MBNL2: variants seen among roughly 807,000 people sequenced by gnomAD.
MBNL2 encodes the protein muscleblind-like protein 2.
MBNL2 carries 17 observed loss-of-function variants against 41.9 expected under a neutral mutation model. The ratio of observed to expected loss-of-function variants is 0.41; its 90% confidence interval spans 0.28 to 0.61. The LOEUF is 0.61. Ranked by LOEUF, MBNL2 falls within the 20% of genes least tolerant of loss-of-function variation. The probability of loss-of-function intolerance (pLI) is 0.35; values close to 1 mark genes in which losing one functional copy is unlikely to be tolerated. For synonymous variants in MBNL2, 195 were observed against 182.9 expected (o/e 1.07, Z -0.53); for missense variants, 336 against 505.6 (o/e 0.66, Z 3.22).
intron 8 of MBNL2, among the ~76,000 whole-genome samples, chr13:97,387,539 C>T (rs1005457562): frequency 6.6e-6 from 1 of 152,190 alleles, no homozygotes; most frequent in Non-Finnish European, 1.5e-5. Context: ...CCCAAGCTCA[C>T]AGGGGTTCTT....
At chr13:97,389,745 A>AT (rs1283384875) in intron 8 of MBNL2, among the ~76,000 whole-genome samples, 5 of 151,722 alleles carry the variant, frequency 3.3e-5, no homozygotes, top group African/African-American at 7.3e-5. Context: ...AGAAACTGCA[A>AT]TTTTTTTTCC....
At position 97,346,950 on chromosome 13, in the gene MBNL2, G is replaced by A. The variant is rs201412662; in HGVS notation, c.687G>A (p.Glu229=). 178 of 1,613,948 alleles carry A rather than the reference G, an allele frequency of 1.1e-4. No homozygotes were observed. The highest frequency in any genetic ancestry group is 1.3e-4 in the Non-Finnish European group (158 of 1,179,914). ...MDYIKGRCMR[E]KCKYFHPPAH... The stretch of plus-strand genomic sequence containing the variant: ...ACATAAAGGGGCGTTGCATGAGGGA[G>A]AAATGCAAATATTTTCACCCTCCTG... The change falls in exon 5 of 9, where the codon GAG becomes GAA. Residue 229 remains glutamate, a synonymous_variant. Coordinates refer to ENST00000679496, the MANE Select transcript of MBNL2 (RefSeq NM_001382683.1). The surrounding 1 kb of genome is among the most constrained non-coding windows in gnomAD (Gnocchi z 4.2).
intron 1 of MBNL2, among the ~76,000 whole-genome samples, chr13:97,235,767 C>T (rs1182524919): frequency 6.6e-6 from 1 of 152,060 alleles, no homozygotes; most frequent in African/African-American, 2.4e-5. Flanking sequence ...GAGCTGCAGA[C>T]GCTAGAGGGG....
In MBNL2 at chr13:97,378,364, T is replaced by G. The variant is rs543418246; in HGVS notation, c.1049-12958T>G. Among the ~76,000 whole-genome samples, 4 of 152,320 alleles carry G rather than the reference T, an allele frequency of 2.6e-5. No individual in the cohort carries two copies. The East Asian group carries it at 7.7e-4, about 29-fold the overall frequency. On this transcript the variant is annotated intron_variant, in intron 8 of 8. Coordinates refer to ENST00000679496, the MANE Select transcript of MBNL2 (RefSeq NM_001382683.1). ...GTTTACTAACTTATGTATGGTAACATATCTGTTAAGCCTAGAAGCCGGGTT... is the reference window on the plus strand; with the variant it reads ...GTTTACTAACTTATGTATGGTAACAGATCTGTTAAGCCTAGAAGCCGGGTT...
At chr13:97,175,310 C>T in the MBNL2 span, among the ~76,000 whole-genome samples, 1 of 152,174 alleles carries the variant, frequency 6.6e-6, no homozygotes, top group Admixed American at 6.5e-5. Context: ...CCCGTTTATC[C>T]TTCATAGGTG....
intron 8 of MBNL2, among the ~76,000 whole-genome samples, chr13:97,391,098 T>G (rs1440050168): frequency 6.6e-6 from 1 of 152,206 alleles, no homozygotes; most frequent in Non-Finnish European, 1.5e-5. Flanking sequence ...GTACTGTGCA[T>G]TTGAATCATC....
intron 2 of MBNL2, among the ~76,000 whole-genome samples, chr13:97,288,300 A>G (rs1262723029): frequency 6.6e-6 from 1 of 152,108 alleles, no homozygotes; most frequent in Non-Finnish European, 1.5e-5. Flanking sequence ...AGTCATACAC[A>G]CTGGAAGAGT....
At chr13:97,318,452 A>G (rs2059236340) in intron 2 of MBNL2, among the ~76,000 whole-genome samples, 1 of 152,110 alleles carries the variant, frequency 6.6e-6, no homozygotes, top group Non-Finnish European at 1.5e-5. Flanking sequence ...TCCCCCTCTC[A>G]AATGTTTGTC....
chr13:97,317,808 A>G (rs1463292119), intron 2 of MBNL2, among the ~76,000 whole-genome samples: 1 of 152,238 alleles, frequency 6.6e-6, no homozygotes, highest in Admixed American at 6.5e-5. Flanking sequence ...TGAAAACTGT[A>G]TGATTTATGA....
chr13:97,383,923 G>C (rs1281585112), intron 8 of MBNL2, among the ~76,000 whole-genome samples: 1 of 150,050 alleles, frequency 6.7e-6, no homozygotes, highest in Non-Finnish European at 1.5e-5. Context: ...TTTTTGAGCG[G>C]GAGTCTCGTC....
At chr13:97,146,498 A>G in the MBNL2 span, among the ~76,000 whole-genome samples, 1 of 152,146 alleles carries the variant, frequency 6.6e-6, no homozygotes, top group Non-Finnish European at 1.5e-5. Context: ...TTGGCCAGGG[A>G]TCTCACTTGA....
At chr13:97,220,416 G>C (rs560270963), upstream of MBNL2, among the ~76,000 whole-genome samples, 1 of 152,112 alleles carries the variant, frequency 6.6e-6, no homozygotes, top group African/African-American at 2.4e-5. Context: ...ACAGAATAAA[G>C]GGAAAGGTAA....
rs191897452 is a variant in MBNL2 at position 97,305,876 on chromosome 13, C to T, written c.175-28400C>T. 4.7e-3 allele frequency among the ~76,000 whole-genome samples: 712 copies of T among 152,136 alleles called. 8 individuals are homozygous for T. The highest frequency in any genetic ancestry group is 0.041 in the Middle Eastern group (12 of 294). Reference sequence around the variant, plus strand: ...GTTCAAGATATTTGACAGAGAGCTACCCAAGCAATAATTATTTCTAAGAGG... The same window carrying T: ...GTTCAAGATATTTGACAGAGAGCTATCCAAGCAATAATTATTTCTAAGAGG... On this transcript the variant is annotated intron_variant, in intron 2 of 8. Coordinates refer to ENST00000679496, the MANE Select transcript of MBNL2 (RefSeq NM_001382683.1).
intron 8 of MBNL2, among the ~76,000 whole-genome samples, chr13:97,381,873 G>A (rs770808208): frequency 4.8e-4 from 73 of 151,790 alleles, no homozygotes; most frequent in Admixed American, 2.4e-3. Flanking sequence ...CATATTGTCT[G>A]CATATTACAT....
rs2060656742 is a variant in MBNL2, at chr13:97,334,010, GA to G, written c.175-265del. On this transcript the variant is annotated intron_variant, in intron 2 of 8. Coordinates refer to ENST00000679496, the MANE Select transcript of MBNL2 (RefSeq NM_001382683.1). The surrounding 1 kb of genome is among the most constrained non-coding windows in gnomAD (Gnocchi z 5.3). ...AGGGAAAGAAAGAGAAAGAGAGAAAGAGAGAGAGGGAGGGAGGGAGGGAAAA... is the reference window on the plus strand; with the variant it reads ...AGGGAAAGAAAGAGAAAGAGAGAAAGGAGAGAGGGAGGGAGGGAGGGAAAA... Among the ~76,000 whole-genome samples, 2 of 71,948 alleles carry G rather than the reference GA, an allele frequency of 2.8e-5. No individual in the cohort carries two copies. Among genetic ancestry groups the G allele is most frequent in the Admixed American group, 1.4e-4 (1 of 7,192 alleles). 47.2% of individuals were successfully genotyped at this position (71,948 alleles called of 152,430 possible).
the MBNL2 span, among the ~76,000 whole-genome samples, chr13:97,185,706 G>C: frequency 6.6e-6 from 1 of 152,202 alleles, no homozygotes; most frequent in Non-Finnish European, 1.5e-5. Flanking sequence ...AGGGACATGG[G>C]TCCCCCACAC....
chr13:97,317,084 G>A (rs542103461), intron 2 of MBNL2, among the ~76,000 whole-genome samples: 28 of 152,266 alleles, frequency 1.8e-4, no homozygotes, highest in African/African-American at 5.3e-4. Flanking sequence ...CAGTGGGAAC[G>A]GAAGGTGGCA....
At chr13:97,153,960 T>G in the MBNL2 span, among the ~76,000 whole-genome samples, 3 of 152,240 alleles carry the variant, frequency 2.0e-5, no homozygotes, top group African/African-American at 7.2e-5. Flanking sequence ...GATGAGTTTC[T>G]AAGTCTGTGC....
intron 2 of MBNL2, among the ~76,000 whole-genome samples, chr13:97,317,758 C>A (rs572402964): frequency 6.6e-6 from 1 of 152,278 alleles, no homozygotes; most frequent in South Asian, 2.1e-4. Context: ...TAAAAGCCAA[C>A]CATATTTATA....
Sources: allele counts gnomAD v4.1 joint callset (sites outside exome capture counted in the v4.1 genomes callset), GRCh38; gene constraint gnomAD v4.1.1; non-coding constraint Gnocchi (gnomAD v3.1); transcripts MANE v1.5; gene names NCBI Gene and HGNC (gene_info 2026-07-23, HGNC 2026-07-21).